Variants in DPYSL2 observed in about 807,000 individuals in gnomAD.
The protein encoded by DPYSL2 is dihydropyrimidinase-related protein 2.
In DPYSL2, 13 loss-of-function variants were observed where a neutral mutation model predicts 69.9. That is an observed-to-expected ratio of 0.19 (90% confidence interval 0.12 to 0.30). The LOEUF (loss-of-function observed/expected upper bound fraction) is 0.30, where lower values mean the gene tolerates loss of function less well. DPYSL2 is among the 10% of genes least tolerant of loss of function. The pLI, the probability that DPYSL2 is intolerant of heterozygous loss-of-function variation, is 1.00. For synonymous variants in DPYSL2, 326 were observed against 359.1 expected (o/e 0.91, Z 1.04); for missense variants, 587 against 918.9 (o/e 0.64, Z 4.67).
In DPYSL2 at chr8:26,585,704, C is replaced by T. The variant is rs999019653; in HGVS notation, c.628+1721C>T. ...TGAACTTGGAGAAGCTTAGACTATT[C>T]GGGTGTCAGCCGGGAAGGCCAAGTC... On this transcript the variant is annotated intron_variant, in intron 3 of 13. Coordinates refer to ENST00000521913, the MANE Select transcript of DPYSL2 (RefSeq NM_001197293.3). This position sits in a 1 kb window ranked among gnomAD's most constrained non-coding sequence, Gnocchi z 4.0. Among the ~76,000 whole-genome samples the T allele has an allele frequency of 6.6e-6, 1 of 152,138 alleles. No homozygotes were observed. Among genetic ancestry groups the T allele is most frequent in the Admixed American group, 6.5e-5 (1 of 15,278 alleles).
chr8:26,575,732 A>C (rs1400798751), intron 1 of DPYSL2, among the ~76,000 whole-genome samples: 4 of 152,232 alleles, frequency 2.6e-5, no homozygotes, highest in Admixed American at 2.6e-4. Flanking sequence ...GATATATTTA[A>C]ACCCATTACG....
rs1240608072 is a variant in DPYSL2, at chr8:26,627,558, G to A, written c.936+263G>A. Among the ~76,000 whole-genome samples the A allele has an allele frequency of 6.6e-6, 1 of 152,164 alleles. No homozygotes were observed. The highest frequency in any genetic ancestry group is 1.5e-5 in the Non-Finnish European group (1 of 68,038). ...CTCGGTGCTGTAACGCAGCTGCCTT[G>A]GGTGGGGTACGGGAACCCTCACGTC... On this transcript the variant is annotated intron_variant, in intron 6 of 13. Transcript: ENST00000521913. The surrounding 1 kb of genome is among the most constrained non-coding windows in gnomAD (Gnocchi z 6.9).
intron 1 of DPYSL2, among the ~76,000 whole-genome samples, chr8:26,572,841 G>A (rs759060007): frequency 4.6e-5 from 7 of 152,140 alleles, no homozygotes; most frequent in Non-Finnish European, 8.8e-5. Context: ...TTCCCTGTGA[G>A]CTCAAACCTT....
At chr8:26,523,298 A>G (rs1054864698) in intron 1 of DPYSL2, among the ~76,000 whole-genome samples, 1 of 152,178 alleles carries the variant, frequency 6.6e-6, no homozygotes, top group Non-Finnish European at 1.5e-5. Flanking sequence ...AATGAGTTCA[A>G]TTAAAAAAAT....
rs149496979 is a variant in DPYSL2 at position 26,643,930 on chromosome 8, G to A, written c.1284-20G>A. The A allele has an allele frequency of 1.9e-4, 305 of 1,612,090 alleles. No individual in the cohort carries two copies. Among genetic ancestry groups the A allele is most frequent in the African/African-American group, 1.4e-3 (106 of 75,040 alleles). ...CATCTTGACGAAGCTGCAGCACCACGTTATGCATTTTCTTTGCAGTGGAGA... is the reference window on the plus strand; with the variant it reads ...CATCTTGACGAAGCTGCAGCACCACATTATGCATTTTCTTTGCAGTGGAGA... On this transcript the variant is annotated intron_variant, in intron 9 of 13. Coordinates refer to ENST00000521913, the MANE Select transcript of DPYSL2 (RefSeq NM_001197293.3). The surrounding 1 kb of genome is among the most constrained non-coding windows in gnomAD (Gnocchi z 6.5).
intron 3 of DPYSL2, among the ~76,000 whole-genome samples, chr8:26,612,019 A>G (rs763851190): frequency 4.6e-5 from 7 of 152,226 alleles, no homozygotes; most frequent in Non-Finnish European, 7.3e-5. Context: ...GGCCAGAGCC[A>G]TTTAATCATG....
chr8:26,528,372 G>A (rs1036331198), intron 1 of DPYSL2, among the ~76,000 whole-genome samples: 2 of 152,160 alleles, frequency 1.3e-5, no homozygotes, highest in Non-Finnish European at 2.9e-5. Flanking sequence ...AAATGGGCCG[G>A]GCGCGGTGGC....
chr8:26,560,560 G>A lies in DPYSL2; in HGVS notation c.355-21409G>A, dbSNP rs1801054901. Among the ~76,000 whole-genome samples the A allele has an allele frequency of 6.6e-6, 1 of 152,084 alleles. No homozygotes were observed. The highest frequency in any genetic ancestry group is 6.6e-5 in the Admixed American group (1 of 15,260). ...GGCTGCACCCCATGAGAAATTCTAG[G>A]TGAAGGATTTGAGGGCTTCCTCTCT... On this transcript the variant is annotated intron_variant, in intron 1 of 13. Transcript: ENST00000521913. The surrounding 1 kb of genome is among the most constrained non-coding windows in gnomAD (Gnocchi z 4.4).
intron 1 of DPYSL2, among the ~76,000 whole-genome samples, chr8:26,537,610 C>A (rs987264529): frequency 3.9e-5 from 1 of 25,318 alleles, no homozygotes; most frequent in Non-Finnish European, 1.3e-4. Context: ...CATTCTCTCT[C>A]TACACACACA....
intron 1 of DPYSL2, among the ~76,000 whole-genome samples, chr8:26,575,524 C>T (rs549454274): frequency 1.3e-5 from 2 of 152,258 alleles, no homozygotes. Flanking sequence ...GTGCCAAATA[C>T]TCTCTTAGGC....
chr8:26,647,814 A>G lies in DPYSL2; in HGVS notation c.1596+14A>G, dbSNP rs765129604. The G allele has an allele frequency of 6.2e-7, 1 of 1,607,786 alleles. No homozygotes were observed. Among genetic ancestry groups the G allele is most frequent in the Non-Finnish European group, 8.5e-7 (1 of 1,176,776 alleles). On this transcript the variant is annotated intron_variant, in intron 11 of 13. Coordinates refer to ENST00000521913, the MANE Select transcript of DPYSL2 (RefSeq NM_001197293.3). This position sits in a 1 kb window ranked among gnomAD's most constrained non-coding sequence, Gnocchi z 5.1. ...ACACACAACAGCGTAAGACCTGTTA[A>G]CTGTGCAGACCCCATCCAAACGAAT...
intron 3 of DPYSL2, among the ~76,000 whole-genome samples, chr8:26,615,590 C>G (rs1445060520): frequency 6.6e-6 from 1 of 152,144 alleles, no homozygotes; most frequent in Non-Finnish European, 1.5e-5. Context: ...GATGTTTGGT[C>G]TGTCCTGTGT....
chr8:26,552,228 C>A (rs530246102), intron 1 of DPYSL2, among the ~76,000 whole-genome samples: 1 of 152,040 alleles, frequency 6.6e-6, no homozygotes, highest in South Asian at 2.1e-4. Flanking sequence ...ATTTGTGGAC[C>A]GCAGCAAAAA....
intron 1 of DPYSL2, among the ~76,000 whole-genome samples, chr8:26,546,221 T>G (rs1800764571): frequency 6.6e-6 from 1 of 152,230 alleles, no homozygotes; most frequent in Non-Finnish European, 1.5e-5. Flanking sequence ...TTGTTAGACT[T>G]ATACCTAAAG....
intron 2 of DPYSL2, among the ~76,000 whole-genome samples, chr8:26,583,072 G>T (rs2129737084): frequency 6.6e-6 from 1 of 152,236 alleles, no homozygotes; most frequent in East Asian, 1.9e-4. Context: ...AAGTGTGCAG[G>T]CCTGTGTGCT....
intron 1 of DPYSL2, among the ~76,000 whole-genome samples, chr8:26,556,467 A>C: frequency 7.5e-6 from 1 of 133,540 alleles, no homozygotes; most frequent in Non-Finnish European, 1.5e-5. Context: ...AATCTCCTGG[A>C]ACTATTAAAT....
rs1802578420 is a variant in DPYSL2 at position 26,624,734 on chromosome 8, C to G, written c.793+427C>G. 6.6e-6 allele frequency among the ~76,000 whole-genome samples: 1 copy of G among 152,126 alleles called. No homozygotes were observed. The highest frequency in any genetic ancestry group is 2.4e-5 in the African/African-American group (1 of 41,434). On this transcript the variant is annotated intron_variant, in intron 4 of 13. Transcript: ENST00000521913. This position sits in a 1 kb window ranked among gnomAD's most constrained non-coding sequence, Gnocchi z 4.7. The stretch of plus-strand genomic sequence containing the variant: ...CCCCTTCCTACAAACCTGGATGGAT[C>G]TAGGATAGATTTGAGGGCTATGAGA...
chr8:26,643,703 G>A lies in DPYSL2; in HGVS notation c.1283+108G>A. On this transcript the variant is annotated intron_variant, in intron 9 of 13. Coordinates refer to ENST00000521913, the MANE Select transcript of DPYSL2 (RefSeq NM_001197293.3). This position sits in a 1 kb window ranked among gnomAD's most constrained non-coding sequence, Gnocchi z 6.5. The stretch of plus-strand genomic sequence containing the variant: ...GCCAAGAGCAGCCATAAAACTGGGA[G>A]ACCCTTGTTCACCAAACTAGGTTGG... 6.6e-7 allele frequency: 1 copy of A among 1,517,050 alleles called. No homozygotes were observed. The highest frequency in any genetic ancestry group is 9.0e-7 in the Non-Finnish European group (1 of 1,105,758). 94.0% of individuals were successfully genotyped at this position (1,517,050 alleles called of 1,614,324 possible).
intron 1 of DPYSL2, among the ~76,000 whole-genome samples, chr8:26,531,146 G>A (rs919155968): frequency 2.0e-5 from 3 of 151,824 alleles, no homozygotes; most frequent in Non-Finnish European, 4.4e-5. Flanking sequence ...TAACATTATT[G>A]CATTGGGGAT....
Sources: gnomAD v4.1 joint callset for allele counts (sites outside exome capture counted in the v4.1 genomes callset) on GRCh38, gnomAD v4.1.1 for gene constraint, Gnocchi (gnomAD v3.1) non-coding constraint, MANE v1.5 for transcripts, NCBI Gene and HGNC (gene_info 2026-07-23, HGNC 2026-07-21) for gene names.